The following NUP205 variants were observed in gnomAD, a reference collection of about 807,000 sequenced individuals.
NUP205 encodes nuclear pore complex protein Nup205.
NUP205 carries 76 observed loss-of-function variants against 253.8 expected under a neutral mutation model. The ratio of observed to expected loss-of-function variants is 0.30; its 90% confidence interval spans 0.25 to 0.36. The LOEUF is 0.36. Among genes scored for constraint, NUP205 ranks in the 10% least tolerant of loss-of-function variants. The pLI is 1.00. For missense variants in NUP205, 2,162 were observed against 2,425.5 expected (o/e 0.89, Z 2.28); for synonymous variants, 832 against 850.1 (o/e 0.98, Z 0.37).
intron 8 of NUP205, among the ~76,000 whole-genome samples, chr7:135,586,105 T>C (rs532006292): frequency 1.1e-3 from 170 of 150,404 alleles, no homozygotes; most frequent in African/African-American, 3.6e-3. Flanking sequence ...GTGTTTATAT[T>C]ATAAAACCAC....
intron 41 of NUP205, 66 bp downstream of exon 41, chr7:135,645,662 GTT>G (rs148753323): frequency 6.8e-7 from 1 of 1,479,232 alleles, no homozygotes; most frequent in Non-Finnish European, 9.2e-7. Context: ...GCTAGTACCA[GTT>G]TTTTTTTATT....
chr7:135,576,197 T>TA, intron 3 of NUP205, 73 bp from the exon 4 acceptor site: 2 of 1,307,602 alleles, frequency 1.5e-6, no homozygotes, highest in Non-Finnish European at 2.2e-6. Context: ...TGAACATTGT[T>TA]ATATTGATTT....
intron 10 of NUP205, 45 bp from the exon 11 acceptor site, chr7:135,591,405 G>A: frequency 1.3e-6 from 2 of 1,575,464 alleles, no homozygotes; most frequent in Non-Finnish European, 1.7e-6. Flanking sequence ...TTGCCTTAAA[G>A]TTAAGATATA....
intron 1 of NUP205, among the ~76,000 whole-genome samples, chr7:135,570,480 G>T (rs1403859941): frequency 6.6e-6 from 1 of 151,598 alleles, no homozygotes; most frequent in African/African-American, 2.4e-5. Context: ...CTCCCAGAGT[G>T]CTGGGATTAC....
At chr7:135,635,097 C>G (rs1192218221) in intron 35 of NUP205, among the ~76,000 whole-genome samples, 1 of 151,616 alleles carries the variant, frequency 6.6e-6, no homozygotes, top group Non-Finnish European at 1.5e-5. Flanking sequence ...TGGGTCATTT[C>G]GATTTAGGAA....
intron 5 of NUP205, 83 bp from the exon 6 acceptor site, chr7:135,577,713 T>G: frequency 9.9e-7 from 1 of 1,005,078 alleles, no homozygotes; most frequent in Non-Finnish European, 1.5e-6. Flanking sequence ...TTATTAGCCT[T>G]TGTAAAAGGT....
At chr7:135,589,640 T>TA (rs1370292702) in intron 10 of NUP205, among the ~76,000 whole-genome samples, 4 of 151,296 alleles carry the variant, frequency 2.6e-5, no homozygotes, top group Admixed American at 6.6e-5. Flanking sequence ...ATTTAAAAAA[T>TA]ACGTTTTGAG....
At chr7:135,609,052 C>T (rs1434780226) in intron 22 of NUP205, among the ~76,000 whole-genome samples, 2 of 143,578 alleles carry the variant, frequency 1.4e-5, no homozygotes, top group East Asian at 4.1e-4. Context: ...TGCAGTGAAC[C>T]TAGATCGTGC....
At chr7:135,570,620 T>C (rs1380668740) in intron 1 of NUP205, among the ~76,000 whole-genome samples, 9 of 140,634 alleles carry the variant, frequency 6.4e-5, no homozygotes, top group Admixed American at 3.9e-4. Context: ...CTTAATCAGT[T>C]ACAACATTGA....
chr7:135,578,631 A>G, intron 6 of NUP205, 120 bp from the exon 7 acceptor site: 1 of 639,374 alleles, frequency 1.6e-6, no homozygotes, highest in Middle Eastern at 3.3e-4. Context: ...ATTAATGTTA[A>G]TTGGTCATTA....
intron 38 of NUP205, among the ~76,000 whole-genome samples, chr7:135,641,800 C>CA (rs1423420395): frequency 4.0e-4 from 59 of 146,320 alleles, no homozygotes; most frequent in East Asian, 2.2e-3. Context: ...AAACCTGTCT[C>CA]AAAAAAAAAC....
chr7:135,600,999 T>A, intron 16 of NUP205, 30 bp downstream of exon 16: 1 of 1,169,784 alleles, frequency 8.5e-7, no homozygotes, highest in South Asian at 1.3e-5. Context: ...TTCAAACAAG[T>A]TGTCAACTAT....
chr7:135,573,725 G>A lies in NUP205; in HGVS notation c.243G>A (p.Gln81=). The A allele has an allele frequency of 6.2e-7, 1 of 1,613,970 alleles. No individual in the cohort carries two copies. The highest frequency in any genetic ancestry group is 8.5e-7 in the Non-Finnish European group (1 of 1,179,908). The change falls in exon 3 of 43, where the codon CAG becomes CAA. Residue 81 remains glutamine, a synonymous_variant. Coordinates refer to ENST00000285968, the MANE Select transcript of NUP205 (RefSeq NM_015135.3). ...STEGVAIQGQ[Q]GTRLLPEQLI... ...AGGGAGTCGCCATTCAGGGTCAACA[G>A]GGAACTCGACTTCTTCCTGAACAGC...
At chr7:135,594,445 C>A (rs1035087027) in intron 12 of NUP205, 102 bp from the exon 13 acceptor site, 3 of 801,402 alleles carry the variant, frequency 3.7e-6, no homozygotes, top group African/African-American at 1.7e-5. Flanking sequence ...ATATATTAAG[C>A]CCATGAGGAC....
At chr7:135,645,895 A>G in intron 41 of NUP205, 1 of 574,472 alleles carries the variant, frequency 1.7e-6, no homozygotes, top group East Asian at 2.9e-5. Flanking sequence ...GCTGATTCTT[A>G]TTGCTGGAGT....
intron 28 of NUP205, among the ~76,000 whole-genome samples, chr7:135,618,962 A>G (rs892061321): frequency 6.6e-6 from 1 of 152,018 alleles, no homozygotes; most frequent in South Asian, 2.1e-4. Context: ...ATCATGTTTA[A>G]ATTTCTCTGT....
chr7:135,593,174 G>A lies in NUP205; in HGVS notation c.1812G>A (p.Thr604=), dbSNP rs772002920. The A allele has an allele frequency of 1.7e-5, 27 of 1,613,882 alleles. No homozygotes were observed. The highest frequency in any genetic ancestry group is 1.1e-4 in the East Asian group (5 of 44,878). ...GATTGATTGCTTTTTTGCAGCTCAC[G>A]TCTACCATCATTACTTGGGTAGGTA... ...QDGLIAFLQL[T]STIITWSENA... The change falls in exon 12 of 43, where the codon ACG becomes ACA. Residue 604 remains threonine (T), a synonymous_variant. Transcript: ENST00000285968.
At chr7:135,573,274 A>G (rs192122882) in intron 2 of NUP205, among the ~76,000 whole-genome samples, 3 of 152,324 alleles carry the variant, frequency 2.0e-5, no homozygotes, top group Admixed American at 2.0e-4. Flanking sequence ...ATAAACTGTT[A>G]CTTGCTCTGC....
At position 135,598,212 on chromosome 7, in the gene NUP205, T is replaced by C. The variant is rs1225681363; in HGVS notation, c.2274+5T>C. 1 of 1,612,428 alleles carries C rather than the reference T, an allele frequency of 6.2e-7. No individual in the cohort carries two copies. On this transcript the variant is annotated splice_donor_5th_base_variant and intron_variant, in intron 15 of 42. Coordinates refer to ENST00000285968, the MANE Select transcript of NUP205 (RefSeq NM_015135.3). Reference sequence around the variant, plus strand: ...TACCGGAGAGCAGCTGAAAAGGTTATGTTCAGAGAAAAGCTTTTTTCTCCT... The same window carrying C: ...TACCGGAGAGCAGCTGAAAAGGTTACGTTCAGAGAAAAGCTTTTTTCTCCT...
Sources: gnomAD v4.1 joint callset for allele counts (sites outside exome capture counted in the v4.1 genomes callset) on GRCh38, gnomAD v4.1.1 for gene constraint, MANE v1.5 for transcripts, NCBI Gene and HGNC (gene_info 2026-07-23, HGNC 2026-07-21) for gene names.